INPP5A: variants seen among roughly 807,000 people sequenced by gnomAD.
INPP5A encodes the protein inositol polyphosphate-5-phosphatase A, also known as 43 kDa inositol polyphosphate 5-phophatase.
A neutral mutation model predicts 65.2 loss-of-function variants in INPP5A; 14 were observed. The observed-to-expected ratio is 0.21, with a 90% CI of 0.14 to 0.34. INPP5A has a LOEUF of 0.34. Ranked by LOEUF, INPP5A falls within the 10% of genes least tolerant of loss-of-function variation. INPP5A has a pLI of 1.00. For synonymous variants in INPP5A, 207 were observed against 208.3 expected (o/e 0.99, Z 0.05); for missense variants, 431 against 545.6 (o/e 0.79, Z 2.09).
At chr10:132,718,767 A>T (rs575215322) in intron 8 of INPP5A, among the ~76,000 whole-genome samples, 1 of 127,424 alleles carries the variant, frequency 7.8e-6, no homozygotes, top group Non-Finnish European at 1.6e-5. Context: ...GACTGTCTTC[A>T]GGGTTCTGTG....
rs1845373446 is a variant in INPP5A at position 132,697,997 on chromosome 10, T to G, written c.474+78T>G. ...CAGAAGTGACATGGAACACGGAATT[T>G]TCGCATTGCACTGTTACTAGTCACA... On this transcript the variant is annotated intron_variant, in intron 6 of 15. Transcript: ENST00000368594. The surrounding 1 kb of genome is among the most constrained non-coding windows in gnomAD (Gnocchi z 5.6). The G allele has an allele frequency of 2.2e-6, 2 of 918,606 alleles. No homozygotes were observed. The highest frequency in any genetic ancestry group is 2.1e-4 in the Middle Eastern group (1 of 4,742). 56.9% of individuals were successfully genotyped at this position (918,606 alleles called of 1,614,324 possible).
At chr10:132,740,509 G>A (rs1393132866) in intron 9 of INPP5A, among the ~76,000 whole-genome samples, 4 of 152,288 alleles carry the variant, frequency 2.6e-5, no homozygotes, top group African/African-American at 9.6e-5. Context: ...ATCCCCTGGA[G>A]TCAGTTCTGT....
intron 11 of INPP5A, among the ~76,000 whole-genome samples, chr10:132,751,908 G>A (rs1338812235): frequency 1.5e-4 from 22 of 150,890 alleles, no homozygotes; most frequent in African/African-American, 5.3e-4. Context: ...GTGGAGGCGG[G>A]TGCCCAGGAG....
Position 132,663,922 on chromosome 10 carries a change from G to A in INPP5A, c.306+13417G>A, listed in dbSNP as rs2072770129. On this transcript the variant is annotated intron_variant, in intron 4 of 15. Coordinates refer to ENST00000368594, the MANE Select transcript of INPP5A (RefSeq NM_005539.5). The surrounding 1 kb of genome is among the most constrained non-coding windows in gnomAD (Gnocchi z 4.5). Reference sequence around the variant, plus strand: ...GGGCCAAGGTGCCTCGTGGGCAGCCGATCCATCAGGCGGCCGACAGGCGTG... The same window carrying A: ...GGGCCAAGGTGCCTCGTGGGCAGCCAATCCATCAGGCGGCCGACAGGCGTG... Among the ~76,000 whole-genome samples, 1 of 152,240 alleles carries A rather than the reference G, an allele frequency of 6.6e-6. No homozygotes were observed. Among genetic ancestry groups the A allele is most frequent in the South Asian group, 2.1e-4 (1 of 4,834 alleles).
chr10:132,715,658 G>A (rs576566624), intron 8 of INPP5A, among the ~76,000 whole-genome samples: 56 of 152,374 alleles, frequency 3.7e-4, no homozygotes, highest in African/African-American at 1.2e-3. Flanking sequence ...TGTGCAGCCA[G>A]TAAAGAAAAG....
intron 1 of INPP5A, among the ~76,000 whole-genome samples, chr10:132,567,324 T>C (rs74948957): frequency 0.023 from 3,569 of 152,340 alleles, 49 homozygotes; most frequent in South Asian, 0.039. Context: ...CATTTATTAA[T>C]TTTTTGAGAT....
At chr10:132,689,745 T>C (rs1375526828) in intron 4 of INPP5A, among the ~76,000 whole-genome samples, 1 of 152,248 alleles carries the variant, frequency 6.6e-6, no homozygotes, top group Non-Finnish European at 1.5e-5. Flanking sequence ...GTCTGTGTGG[T>C]ATCCGTCGAC....
In INPP5A at chr10:132,644,791, C is replaced by G. The variant is rs2072472023; in HGVS notation, c.118-1077C>G. On this transcript the variant is annotated intron_variant, in intron 2 of 15. Transcript: ENST00000368594. The surrounding 1 kb of genome is among the most constrained non-coding windows in gnomAD (Gnocchi z 6.5). ...CCAGGGGAGCGGGGTCAATCAGTGC[C>G]TCACCCCTCATCCTGCTCAAGTGAA... Among the ~76,000 whole-genome samples the G allele has an allele frequency of 6.6e-6, 1 of 152,222 alleles. No homozygotes were observed. The highest frequency in any genetic ancestry group is 2.4e-5 in the African/African-American group (1 of 41,458).
chr10:132,537,883 G>C lies in INPP5A; in HGVS notation c.-214G>C, dbSNP rs1159215653. ...GCTGTGAGGCGCGGCGGCGAGCGAC[G>C]GGCGCGGGGCCGCGGAGCAGCGAGC... On this transcript the variant is annotated 5_prime_UTR_variant, in exon 1 of 16. Coordinates refer to ENST00000368594, the MANE Select transcript of INPP5A (RefSeq NM_005539.5). 3 of 322,982 alleles carry C rather than the reference G, an allele frequency of 9.3e-6. No homozygotes were observed. Among genetic ancestry groups the C allele is most frequent in the Non-Finnish European group, 1.1e-5 (2 of 177,822 alleles). 20.0% of individuals were successfully genotyped at this position (322,982 alleles called of 1,614,324 possible).
intron 8 of INPP5A, among the ~76,000 whole-genome samples, chr10:132,717,763 G>A (rs1192576530): frequency 6.8e-6 from 1 of 146,570 alleles, no homozygotes; most frequent in African/African-American, 2.6e-5. Context: ...TGGTACCTGG[G>A]TTCTGTCTGG....
intron 4 of INPP5A, among the ~76,000 whole-genome samples, chr10:132,671,374 TTCGG>T (rs1389932769): frequency 8.7e-5 from 13 of 149,256 alleles, no homozygotes; most frequent in African/African-American, 3.0e-4. Flanking sequence ...CCCTCCCTGC[TTCGG>T]ACTCCGCCCT....
At chr10:132,648,952 C>A (rs946801917) in intron 3 of INPP5A, among the ~76,000 whole-genome samples, 3 of 152,168 alleles carry the variant, frequency 2.0e-5, no homozygotes, top group Non-Finnish European at 4.4e-5. Context: ...TCCATTATTT[C>A]TTTAAATACT....
chr10:132,556,776 AT>A (rs34397373), intron 1 of INPP5A, among the ~76,000 whole-genome samples: 47 of 147,432 alleles, frequency 3.2e-4, no homozygotes, highest in Non-Finnish European at 4.2e-4. Context: ...CATTTTGGGG[AT>A]TTTTTTTTTT....
chr10:132,647,476 AAT>A (rs1473511451), intron 3 of INPP5A, among the ~76,000 whole-genome samples: 1 of 152,210 alleles, frequency 6.6e-6, no homozygotes, highest in Non-Finnish European at 1.5e-5. Context: ...TCAACAAACT[AAT>A]ACTAAAATTG....
Position 132,749,504 on chromosome 10 carries a change from T to C in INPP5A, c.733-13T>C. 1 of 1,612,222 alleles carries C rather than the reference T, an allele frequency of 6.2e-7. No homozygotes were observed. Among genetic ancestry groups the C allele is most frequent in the South Asian group, 1.1e-5 (1 of 91,056 alleles). On this transcript the variant is annotated splice_polypyrimidine_tract_variant and intron_variant, in intron 9 of 15. Coordinates refer to ENST00000368594, the MANE Select transcript of INPP5A (RefSeq NM_005539.5). ...CCCCCCTGGGACTTATCTCCGTTGC[T>C]GTCTTTCTGCAGACGCTCTGCACAA...
intron 9 of INPP5A, among the ~76,000 whole-genome samples, chr10:132,743,722 T>C (rs2134624080): frequency 6.6e-6 from 1 of 152,296 alleles, no homozygotes; most frequent in East Asian, 1.9e-4. Flanking sequence ...CCCACAGCGG[T>C]CACACCCTTG....
At chr10:132,613,610 A>G (rs2071988936) in intron 2 of INPP5A, among the ~76,000 whole-genome samples, 1 of 152,230 alleles carries the variant, frequency 6.6e-6, no homozygotes, top group African/African-American at 2.4e-5. Flanking sequence ...AATTCTCAAA[A>G]GTGAGATTTC....
chr10:132,553,405 A>C (rs1261576433), intron 1 of INPP5A, among the ~76,000 whole-genome samples: 2 of 101,830 alleles, frequency 2.0e-5, no homozygotes, highest in Non-Finnish European at 4.0e-5. Context: ...GCCTTGGTGG[A>C]ATATTGAGTA....
chr10:132,578,256 G>T (rs1208495009), intron 1 of INPP5A, among the ~76,000 whole-genome samples: 1 of 152,208 alleles, frequency 6.6e-6, no homozygotes. Context: ...GGCATTGAAG[G>T]TTCAAGGGTC....
Sources: gnomAD v4.1 joint callset for allele counts (sites outside exome capture counted in the v4.1 genomes callset) on GRCh38, gnomAD v4.1.1 for gene constraint, Gnocchi (gnomAD v3.1) non-coding constraint, MANE v1.5 for transcripts, NCBI Gene and HGNC (gene_info 2026-07-23, HGNC 2026-07-21) for gene names.